Variants in ADGRV1 observed in about 807,000 individuals in gnomAD.
ADGRV1 encodes G-protein coupled receptor 98.
In ADGRV1, 359 loss-of-function variants were observed where a neutral mutation model predicts 596.2. The observed-to-expected ratio is 0.60, with a 90% confidence interval of 0.55 to 0.66. ADGRV1 has a LOEUF of 0.66. Among genes scored for constraint, ADGRV1 ranks in the 30% least tolerant of loss-of-function variants. The pLI is 0.00. For synonymous variants in ADGRV1, 2,681 were observed against 2,679.2 expected, an observed-to-expected ratio of 1.00 and a Z score of -0.02; for missense variants, 7,274 against 7,575.6, an observed-to-expected ratio of 0.96 and a Z score of 1.48.
intron 9 of ADGRV1, among the ~76,000 whole-genome samples, chr5:90,633,694 T>C (rs184057424): frequency 2.6e-5 from 4 of 152,276 alleles, no homozygotes; most frequent in African/African-American, 9.6e-5. Context: ...TATCTTTACA[T>C]TTTATCTACA....
intron 70 of ADGRV1, among the ~76,000 whole-genome samples, chr5:90,795,386 A>C (rs1364426417): frequency 1.3e-5 from 2 of 152,172 alleles, no homozygotes; most frequent in Non-Finnish European, 2.9e-5. Flanking sequence ...AAGCCAACAG[A>C]AAGTTCGAAC....
chr5:90,840,469 C>T, intron 77 of ADGRV1, 109 bp from the exon 78 acceptor site: 1 of 826,836 alleles, frequency 1.2e-6, no homozygotes, highest in Non-Finnish European at 1.8e-6. Flanking sequence ...ATCATCATTG[C>T]CCTTCAGTTT....
chr5:90,664,329 A>G (rs1349100776), intron 21 of ADGRV1, among the ~76,000 whole-genome samples: 2 of 150,344 alleles, frequency 1.3e-5, no homozygotes, highest in Non-Finnish European at 3.0e-5. Flanking sequence ...GGTCCTTCAC[A>G]TCCTTTGTAA....
At chr5:90,855,511 C>A (rs73179347) in intron 81 of ADGRV1, among the ~76,000 whole-genome samples, 2 of 152,112 alleles carry the variant, frequency 1.3e-5, no homozygotes, top group African/African-American at 4.8e-5. Context: ...ACCAGGAATG[C>A]CTTCAAAGCT....
chr5:91,003,123 T>C (rs986326011), intron 85 of ADGRV1, among the ~76,000 whole-genome samples: 2 of 152,170 alleles, frequency 1.3e-5, no homozygotes, highest in African/African-American at 4.8e-5. Flanking sequence ...CTGCAGCCTC[T>C]AAACAGTATA....
intron 85 of ADGRV1, among the ~76,000 whole-genome samples, chr5:91,067,434 C>T (rs957467268): frequency 2.6e-5 from 4 of 152,120 alleles, no homozygotes; most frequent in South Asian, 2.1e-4. Flanking sequence ...TGAGCCACCG[C>T]GCCTGGCCGC....
At chr5:90,688,255 A>C (rs567746817) in intron 29 of ADGRV1, among the ~76,000 whole-genome samples, 17 of 152,306 alleles carry the variant, frequency 1.1e-4, no homozygotes, top group Admixed American at 1.0e-3. Flanking sequence ...ATCTACAACT[A>C]TCTGATCTTT....
At chr5:90,902,278 C>A (rs2150644466) in intron 83 of ADGRV1, among the ~76,000 whole-genome samples, 1 of 152,258 alleles carries the variant, frequency 6.6e-6, no homozygotes, top group South Asian at 2.1e-4. Flanking sequence ...TCTGTCACCA[C>A]CTACCTGTGG....
At position 90,685,905 on chromosome 5, in the gene ADGRV1, G is replaced by T. The variant is rs1745561852; in HGVS notation, c.6400G>T (p.Val2134Phe). 6.2e-7 allele frequency: 1 copy of T among 1,611,748 alleles called. No individual in the cohort carries two copies. The highest frequency in any genetic ancestry group is 8.5e-7 in the Non-Finnish European group (1 of 1,178,488). The part of the protein sequence containing the change: ...APIVRVAENH[V>F]GPIINVTRTG... ...AATTGTCCGAGTGGCAGAAAATCAT[G>T]TTGGACCCATTATCAATGTGACTAG... Residue 2134 changes from valine (V) to phenylalanine (F), a missense_variant, in exon 29 of 90, where the codon GTT becomes TTT. Coordinates refer to ENST00000405460, the MANE Select transcript of ADGRV1 (RefSeq NM_032119.4).
Position 90,811,338 on chromosome 5 carries a change from G to C in ADGRV1, c.16078G>C (p.Gly5360Arg). The change falls in exon 74 of 90, where the codon GGG becomes CGG. Residue 5360 changes from glycine (G) to arginine (R), a missense_variant and splice_region_variant. Coordinates refer to ENST00000405460, the MANE Select transcript of ADGRV1 (RefSeq NM_032119.4). ...FAAFAMVIIT[G>R]SDLHNGIIGF... is the part of the protein sequence containing the mutation. ...AGCTTTTGCCATGGTTATTATTACA[G>C]GTATATCTTTGAAATGATGGAGATA... 1 of 1,578,052 alleles carries C rather than the reference G, an allele frequency of 6.3e-7. No individual in the cohort carries two copies. The highest frequency in any genetic ancestry group is 2.2e-5 in the East Asian group (1 of 44,532).
At chr5:91,005,798 G>A (rs900839761) in intron 85 of ADGRV1, among the ~76,000 whole-genome samples, 1 of 152,050 alleles carries the variant, frequency 6.6e-6, no homozygotes, top group African/African-American at 2.4e-5. Context: ...ATGATCTTGA[G>A]CAAAGTCTAT....
chr5:90,751,768 G>A (rs553295042), intron 53 of ADGRV1, among the ~76,000 whole-genome samples: 1 of 152,128 alleles, frequency 6.6e-6, no homozygotes, highest in Admixed American at 6.5e-5. Flanking sequence ...ATCATTTCTA[G>A]GTTTCTGTAT....
chr5:90,703,676 C>G lies in ADGRV1; in HGVS notation c.8167C>G (p.Gln2723Glu), dbSNP rs777737431. 1.3e-6 allele frequency: 2 copies of G among 1,597,776 alleles called. No individual in the cohort carries two copies. The highest frequency in any genetic ancestry group is 3.4e-5 in the Admixed American group (2 of 58,464). ...CATTTTACTTGCAGGAGAAATTTTA[C>G]AATTCCATGTGATAAGAACTTTCCC... is the stretch of plus-strand genomic sequence containing the variant. ...SVIGHEGEIL[Q>E]FHVIRTFPGR... Residue 2723 changes from glutamine to glutamate, a missense_variant, in exon 35 of 90, where the codon CAA becomes GAA. By Grantham distance (29) the Gln-to-Glu change is conservative (BLOSUM62 2). Coordinates refer to ENST00000405460, the MANE Select transcript of ADGRV1 (RefSeq NM_032119.4).
chr5:91,088,537 T>C (rs1313133478), intron 86 of ADGRV1, among the ~76,000 whole-genome samples: 3 of 152,246 alleles, frequency 2.0e-5, no homozygotes, highest in East Asian at 1.9e-4. Flanking sequence ...TTAGGAAGCA[T>C]AGTGACCAAA....
intron 85 of ADGRV1, among the ~76,000 whole-genome samples, chr5:91,036,516 C>T (rs1380573629): frequency 6.6e-6 from 1 of 150,622 alleles, no homozygotes; most frequent in Non-Finnish European, 1.5e-5. Flanking sequence ...GAGCTGAGAT[C>T]GCGCCACTGC....
intron 87 of ADGRV1, among the ~76,000 whole-genome samples, chr5:91,135,178 CAA>C (rs70973732): frequency 0.16 from 14,676 of 92,842 alleles, 675 homozygotes; most frequent in South Asian, 0.24. Flanking sequence ...GACTCCATCT[CAA>C]AAAAAAAAAA....
intron 70 of ADGRV1, among the ~76,000 whole-genome samples, chr5:90,802,459 G>T (rs1251273028): frequency 6.6e-6 from 1 of 152,054 alleles, no homozygotes; most frequent in Admixed American, 6.6e-5. Context: ...TTGAACTCTT[G>T]GCCTCAAGTG....
rs540180820 is a variant in ADGRV1 at position 90,810,645 on chromosome 5, G to A, written c.15385G>A (p.Asp5129Asn). ...VAVITILDNDDLAGMDISFPE... is the reference protein window; with the variant it reads ...VAVITILDNDNLAGMDISFPE... Reference sequence around the variant, plus strand: ...AGTGATTACAATATTGGATAATGATGACCTGGCAGGAATGGATATTTCCTT... The same window carrying A: ...AGTGATTACAATATTGGATAATGATAACCTGGCAGGAATGGATATTTCCTT... The change falls in exon 74 of 90, where the codon GAC becomes AAC. Residue 5129 changes from aspartate to asparagine, a missense_variant. Asp to Asn is a conservative substitution (Grantham distance 23). Transcript: ENST00000405460. 16 of 1,613,890 alleles carry A rather than the reference G, an allele frequency of 9.9e-6. No homozygotes were observed. In the South Asian group the frequency reaches 1.6e-4, roughly 17 times the overall value.
At chr5:91,051,417 T>C (rs1395594787) in intron 85 of ADGRV1, among the ~76,000 whole-genome samples, 1 of 152,182 alleles carries the variant, frequency 6.6e-6, no homozygotes, top group Non-Finnish European at 1.5e-5. Flanking sequence ...TAAATACGCT[T>C]GTGTTAGATT....
Sources: gnomAD v4.1 joint callset for allele counts (sites outside exome capture counted in the v4.1 genomes callset) on GRCh38, gnomAD v4.1.1 for gene constraint, MANE v1.5 for transcripts, NCBI Gene and HGNC (gene_info 2026-07-23, HGNC 2026-07-21) for gene names.